The following IGSF11 variants were observed in gnomAD, a reference collection of about 807,000 sequenced individuals.
IGSF11 encodes immunoglobulin superfamily member 11.
IGSF11 carries 22 observed loss-of-function variants against 41.0 expected under a neutral mutation model. The ratio of observed to expected loss-of-function variants is 0.54; its 90% CI spans 0.38 to 0.77. The LOEUF (loss-of-function observed/expected upper bound fraction) is 0.77. Ranked by LOEUF, IGSF11 falls within the 30% of genes least tolerant of loss-of-function variation. The pLI is 0.00. For synonymous variants in IGSF11, 219 were observed against 201.3 expected (o/e 1.09, Z -0.74); for missense variants, 444 against 530.8 (o/e 0.84, Z 1.61).
rs564919211 is a variant in IGSF11 at position 119,081,442 on chromosome 3, G to T, written c.49+23702C>A. ...ATACTGAATCCACAAGGGCAGCGTGGGTCCCTACCAGTTCCAAAGGTGACA... is the reference window on the plus strand; with the variant it reads ...ATACTGAATCCACAAGGGCAGCGTGTGTCCCTACCAGTTCCAAAGGTGACA... On this transcript the variant is annotated intron_variant, in intron 1 of 6. Coordinates refer to the IGSF11 transcript ENST00000354673. Among the ~76,000 whole-genome samples the T allele has an allele frequency of 2.6e-5, 4 of 152,150 alleles. No individual in the cohort carries two copies. The South Asian group carries it at 6.2e-4, about 24-fold the overall frequency.
intron 1 of IGSF11, among the ~76,000 whole-genome samples, chr3:119,065,228 T>G (rs572159269): frequency 6.6e-6 from 1 of 152,340 alleles, no homozygotes; most frequent in Non-Finnish European, 1.5e-5. Context: ...GTGCACTAAA[T>G]TTTCTCAAAT....
At chr3:119,075,732 G>A (rs1470128185) in intron 1 of IGSF11, among the ~76,000 whole-genome samples, 1 of 152,024 alleles carries the variant, frequency 6.6e-6, no homozygotes, top group Non-Finnish European at 1.5e-5. Flanking sequence ...AAACCCAAAT[G>A]ATCATCTCAA....
At chr3:119,045,474 C>T (rs988431971) in intron 1 of IGSF11, among the ~76,000 whole-genome samples, 1 of 152,212 alleles carries the variant, frequency 6.6e-6, no homozygotes, top group Admixed American at 6.5e-5. Context: ...TTATATCCCG[C>T]ACATGGCTCG....
At chr3:118,969,961 C>G (rs549190404) in intron 1 of IGSF11, among the ~76,000 whole-genome samples, 1 of 152,060 alleles carries the variant, frequency 6.6e-6, no homozygotes, top group Non-Finnish European at 1.5e-5. Flanking sequence ...CTGTTGGCTA[C>G]ATCCATGTCC....
At chr3:118,952,654 AT>A (rs1944658676) in intron 1 of IGSF11, among the ~76,000 whole-genome samples, 1 of 152,146 alleles carries the variant, frequency 6.6e-6, no homozygotes, top group Non-Finnish European at 1.5e-5. Flanking sequence ...ATGATTGAGC[AT>A]TTGTCAAACT....
At chr3:119,009,205 A>T (rs1202647202) in intron 1 of IGSF11, among the ~76,000 whole-genome samples, 1 of 152,208 alleles carries the variant, frequency 6.6e-6, no homozygotes, top group Non-Finnish European at 1.5e-5. Context: ...ATCTTAGAGT[A>T]AAACATTTGA....
chr3:118,994,076 T>C (rs996610072), intron 1 of IGSF11, among the ~76,000 whole-genome samples: 2 of 152,188 alleles, frequency 1.3e-5, no homozygotes, highest in Non-Finnish European at 2.9e-5. Context: ...CTTTTCACAC[T>C]TCTGAAAGCA....
chr3:118,995,429 C>A (rs1241985937), intron 1 of IGSF11, among the ~76,000 whole-genome samples: 1 of 152,010 alleles, frequency 6.6e-6, no homozygotes, highest in Non-Finnish European at 1.5e-5. Context: ...AATTTTTGAA[C>A]TAAAGAGAGG....
intron 4 of IGSF11, among the ~76,000 whole-genome samples, chr3:118,916,231 G>C (rs1238633259): frequency 6.6e-6 from 1 of 150,670 alleles, no homozygotes; most frequent in East Asian, 2.0e-4. Flanking sequence ...ACATCATAAT[G>C]ACAGGATCAA....
chr3:119,131,254 C>T (rs1425435274), intron 1 of IGSF11, among the ~76,000 whole-genome samples: 1 of 152,056 alleles, frequency 6.6e-6, no homozygotes, highest in Non-Finnish European at 1.5e-5. Flanking sequence ...ACAAATTTAT[C>T]TGAGCTAAAG....
At chr3:118,998,312 G>A (rs2107664589) in intron 1 of IGSF11, among the ~76,000 whole-genome samples, 1 of 152,088 alleles carries the variant, frequency 6.6e-6, no homozygotes, top group Admixed American at 6.5e-5. Flanking sequence ...AAGGACTACT[G>A]GTTAAATACA....
At chr3:119,030,805 C>T (rs1361839145) in intron 1 of IGSF11, among the ~76,000 whole-genome samples, 1 of 152,060 alleles carries the variant, frequency 6.6e-6, no homozygotes, top group African/African-American at 2.4e-5. Flanking sequence ...CCTCACCAAA[C>T]AAAGAAAGTT....
chr3:119,035,522 G>C (rs1005994433), upstream of IGSF11, among the ~76,000 whole-genome samples: 1 of 152,122 alleles, frequency 6.6e-6, no homozygotes, highest in East Asian at 1.9e-4. Context: ...AAGTTTTCCA[G>C]CTTAAACGTT....
chr3:119,059,310 G>C (rs1257654569), intron 1 of IGSF11, among the ~76,000 whole-genome samples: 14 of 152,016 alleles, frequency 9.2e-5, no homozygotes, highest in Admixed American at 5.9e-4. Flanking sequence ...AGTAACTGAG[G>C]AATGTAAAAC....
intron 1 of IGSF11, among the ~76,000 whole-genome samples, chr3:118,982,914 A>T (rs774414196): frequency 1.3e-5 from 2 of 152,192 alleles, no homozygotes; most frequent in Non-Finnish European, 2.9e-5. Context: ...CCAAATGGTG[A>T]TTTAGAAATT....
At chr3:119,058,237 TA>T (rs1221196378) in intron 1 of IGSF11, among the ~76,000 whole-genome samples, 2 of 152,086 alleles carry the variant, frequency 1.3e-5, no homozygotes, top group South Asian at 2.1e-4. Flanking sequence ...GACAAAGGGC[TA>T]ATATCCAGAA....
intron 4 of IGSF11, among the ~76,000 whole-genome samples, chr3:118,911,021 T>G (rs527504041): frequency 6.6e-6 from 1 of 152,288 alleles, no homozygotes; most frequent in Admixed American, 6.5e-5. Flanking sequence ...CATTAGGCAG[T>G]GAGCTCTAGG....
chr3:118,929,106 G>A (rs1246090795), intron 2 of IGSF11, among the ~76,000 whole-genome samples: 1 of 152,174 alleles, frequency 6.6e-6, no homozygotes, highest in Non-Finnish European at 1.5e-5. Context: ...GGTACAGACT[G>A]AATGTAAATA....
At chr3:119,098,784 C>T (rs1006657702) in intron 1 of IGSF11, among the ~76,000 whole-genome samples, 3 of 152,170 alleles carry the variant, frequency 2.0e-5, no homozygotes, top group Admixed American at 1.3e-4. Flanking sequence ...TTAGCTGTTG[C>T]CTGAGTCAAT....
Sources: allele counts gnomAD v4.1 joint callset (sites outside exome capture counted in the v4.1 genomes callset), GRCh38; gene constraint gnomAD v4.1.1; transcripts MANE v1.5; gene names NCBI Gene and HGNC (gene_info 2026-07-23, HGNC 2026-07-21).